The following FGF9 variants were observed in gnomAD, a reference collection of about 807,000 sequenced individuals.
FGF9 encodes the protein fibroblast growth factor 9 (glia-activating factor).
Under a neutral mutation model 19.9 loss-of-function variants are expected in FGF9, and 3 were observed. The observed-to-expected ratio is 0.15, with a 90% CI of 0.07 to 0.39. FGF9 has a LOEUF of 0.39. FGF9 is among the 10% of genes least tolerant of loss of function. FGF9 has a pLI of 1.00. For missense variants in FGF9, 175 were observed against 256.8 expected (o/e 0.68, Z 2.18); for synonymous variants, 107 against 106.9 (o/e 1.00, Z -0.01).
chr13:21,685,209 A>T (rs879789427), intron 2 of FGF9, among the ~76,000 whole-genome samples: 3 of 152,144 alleles, frequency 2.0e-5, no homozygotes, highest in Non-Finnish European at 2.9e-5. Flanking sequence ...TTTTTTTCTA[A>T]ACGGTTAGAA....
intron 2 of FGF9, among the ~76,000 whole-genome samples, chr13:21,688,894 A>T (rs1872221858): frequency 6.6e-6 from 1 of 152,258 alleles, no homozygotes; most frequent in East Asian, 1.9e-4. Flanking sequence ...AGTGTTGAGC[A>T]TGGTAGCTAC....
intron 2 of FGF9, among the ~76,000 whole-genome samples, chr13:21,695,554 T>G (rs1377813955): frequency 1.3e-5 from 2 of 152,186 alleles, no homozygotes; most frequent in African/African-American, 2.4e-5. Flanking sequence ...TTCTGTGTAG[T>G]TGGGGACTTC....
At position 21,672,068 on chromosome 13, in the gene FGF9, G is replaced by A. The variant is rs1004951478; in HGVS notation, c.156G>A (p.Thr52=). The A allele has an allele frequency of 1.2e-6, 2 of 1,614,236 alleles. No individual in the cohort carries two copies. Among genetic ancestry groups the A allele is most frequent in the Non-Finnish European group, 8.5e-7 (1 of 1,180,048 alleles). The part of the protein sequence containing the change: ...AGGLPRGPAV[T]DLDHLKGILR... ...GGCTCCCCAGGGGACCCGCAGTCAC[G>A]GACTTGGATCATTTAAAGGGGATTC... Residue 52 remains threonine, a synonymous_variant, in exon 1 of 3, where the codon ACG becomes ACA. Coordinates refer to ENST00000382353, the MANE Select transcript of FGF9 (RefSeq NM_002010.3). The surrounding 1 kb of genome is among the most constrained non-coding windows in gnomAD (Gnocchi z 4.2).
At chr13:21,689,321 C>A (rs1005505773) in intron 2 of FGF9, among the ~76,000 whole-genome samples, 1 of 152,156 alleles carries the variant, frequency 6.6e-6, no homozygotes, top group Non-Finnish European at 1.5e-5. Context: ...CAGAGCTCTG[C>A]GAAGGCAGGG....
Position 21,701,545 on chromosome 13 carries a change from A to C in FGF9, c.*110A>C. The C allele has an allele frequency of 6.8e-7, 1 of 1,469,200 alleles. No homozygotes were observed. The highest frequency in any genetic ancestry group is 9.5e-7 in the Non-Finnish European group (1 of 1,052,096). 91.0% of individuals were successfully genotyped at this position (1,469,200 alleles called of 1,614,324 possible). On this transcript the variant is annotated 3_prime_UTR_variant, in exon 3 of 3. Coordinates refer to ENST00000382353, the MANE Select transcript of FGF9 (RefSeq NM_002010.3). ...CATCACATCAGCTCCACTGTTGCCA[A>C]ACTTTGTCGCATGCATAATGTATGA...
chr13:21,699,119 G>A (rs1348033833), intron 2 of FGF9, among the ~76,000 whole-genome samples: 5 of 152,214 alleles, frequency 3.3e-5, no homozygotes, highest in African/African-American at 1.2e-4. Flanking sequence ...GAGGAGGTTG[G>A]GTTGCCCCAG....
At chr13:21,683,650 T>C (rs1427630989) in intron 2 of FGF9, among the ~76,000 whole-genome samples, 1 of 152,198 alleles carries the variant, frequency 6.6e-6, no homozygotes, top group African/African-American at 2.4e-5. Context: ...CGTGTGTGCT[T>C]GAGAAGCACA....
intron 2 of FGF9, among the ~76,000 whole-genome samples, chr13:21,693,399 A>G (rs1327111920): frequency 6.6e-6 from 1 of 152,034 alleles, no homozygotes; most frequent in Non-Finnish European, 1.5e-5. Context: ...CTGAGGGGAC[A>G]TGGGCATCCG....
At position 21,672,875 on chromosome 13, in the gene FGF9, A is replaced by G. The variant is rs17070033; in HGVS notation, c.277+686A>G. 6.6e-6 allele frequency among the ~76,000 whole-genome samples: 1 copy of G among 152,212 alleles called. No homozygotes were observed. Among genetic ancestry groups the G allele is most frequent in the Admixed American group, 6.5e-5 (1 of 15,288 alleles). On this transcript the variant is annotated intron_variant, in intron 1 of 2. Transcript: ENST00000382353. This position sits in a 1 kb window ranked among gnomAD's most constrained non-coding sequence, Gnocchi z 4.2. ...TGATAACCTCTGCTTTTAAATTTCCATAGTGTGCAGCCCTGTGTAGGTCTC... is the reference window on the plus strand; with the variant it reads ...TGATAACCTCTGCTTTTAAATTTCCGTAGTGTGCAGCCCTGTGTAGGTCTC...
chr13:21,677,433 C>T (rs1871943934), intron 1 of FGF9, among the ~76,000 whole-genome samples: 1 of 152,212 alleles, frequency 6.6e-6, no homozygotes, highest in South Asian at 2.1e-4. Context: ...CCAGCCCCCT[C>T]TGCTGCCCAG....
intron 2 of FGF9, among the ~76,000 whole-genome samples, chr13:21,687,918 G>A (rs1025983269): frequency 9.2e-5 from 14 of 152,188 alleles, no homozygotes; most frequent in Admixed American, 2.0e-4. Context: ...ACCTGGAAAG[G>A]CAAAGTAAAG....
In FGF9 at chr13:21,691,620, C is replaced by G. The variant is rs543692916; in HGVS notation, c.382-9570C>G. 6.6e-6 allele frequency among the ~76,000 whole-genome samples: 1 copy of G among 152,336 alleles called. No homozygotes were observed. Among genetic ancestry groups the G allele is most frequent in the East Asian group, 1.9e-4 (1 of 5,176 alleles). The stretch of plus-strand genomic sequence containing the variant: ...GCATCAGCAGCCCCTCCGGGGCTGT[C>G]GTTCAGCGTCCTGGCCCGAGAGATG... On this transcript the variant is annotated intron_variant, in intron 2 of 2. Coordinates refer to ENST00000382353, the MANE Select transcript of FGF9 (RefSeq NM_002010.3). The surrounding 1 kb of genome is among the most constrained non-coding windows in gnomAD (Gnocchi z 4.2).
At chr13:21,687,527 G>A (rs868631377) in intron 2 of FGF9, among the ~76,000 whole-genome samples, 4 of 152,182 alleles carry the variant, frequency 2.6e-5, no homozygotes, top group African/African-American at 7.2e-5. Context: ...TATGAAGGAA[G>A]ATGCTCCCTG....
At chr13:21,695,326 G>A (rs550337636) in intron 2 of FGF9, among the ~76,000 whole-genome samples, 10 of 152,234 alleles carry the variant, frequency 6.6e-5, no homozygotes, top group African/African-American at 2.2e-4. Flanking sequence ...TTTTGTTTAT[G>A]TGGACCAGAC....
intron 1 of FGF9, among the ~76,000 whole-genome samples, chr13:21,673,473 G>C (rs941642459): frequency 3.3e-5 from 5 of 152,100 alleles, no homozygotes; most frequent in African/African-American, 1.2e-4. Flanking sequence ...GTGTGAAATT[G>C]CTCCGGCCGT....
intron 1 of FGF9, among the ~76,000 whole-genome samples, chr13:21,675,361 G>C (rs944368394): frequency 2.0e-5 from 3 of 152,084 alleles, no homozygotes; most frequent in African/African-American, 7.2e-5. Flanking sequence ...CCCAATATTA[G>C]CAACCTCCGC....
chr13:21,691,590 T>G lies in FGF9; in HGVS notation c.382-9600T>G, dbSNP rs188366240. Among the ~76,000 whole-genome samples, 14 of 152,340 alleles carry G rather than the reference T, an allele frequency of 9.2e-5. No individual in the cohort carries two copies. Among genetic ancestry groups the G allele is most frequent in the Non-Finnish European group, 1.8e-4 (12 of 68,024 alleles). Reference sequence around the variant, plus strand: ...TGCTGACATGTGGAGAGTCCTCCCCTGTCAGCATCAGCAGCCCCTCCGGGG... The same window carrying G: ...TGCTGACATGTGGAGAGTCCTCCCCGGTCAGCATCAGCAGCCCCTCCGGGG... On this transcript the variant is annotated intron_variant, in intron 2 of 2. Transcript: ENST00000382353. The surrounding 1 kb of genome is among the most constrained non-coding windows in gnomAD (Gnocchi z 4.2).
chr13:21,695,230 A>G (rs887376181), intron 2 of FGF9, among the ~76,000 whole-genome samples: 1 of 152,052 alleles, frequency 6.6e-6, no homozygotes, highest in Non-Finnish European at 1.5e-5. Flanking sequence ...TTTTAGGTGG[A>G]GGAGGAGTGG....
Position 21,701,543 on chromosome 13 carries a change from C to T in FGF9, c.*108C>T. On this transcript the variant is annotated 3_prime_UTR_variant, in exon 3 of 3. Coordinates refer to ENST00000382353, the MANE Select transcript of FGF9 (RefSeq NM_002010.3). ...GTCATCACATCAGCTCCACTGTTGC[C>T]AAACTTTGTCGCATGCATAATGTAT... 1 of 1,479,480 alleles carries T rather than the reference C, an allele frequency of 6.8e-7. No individual in the cohort carries two copies. The highest frequency in any genetic ancestry group is 9.4e-7 in the Non-Finnish European group (1 of 1,061,518). 91.6% of individuals were successfully genotyped at this position (1,479,480 alleles called of 1,614,324 possible). A position where few individuals can be genotyped will look rare whatever the true frequency, so the allele number is the denominator to read the frequency against.
Sources: gnomAD v4.1 joint callset for allele counts (sites outside exome capture counted in the v4.1 genomes callset) on GRCh38, gnomAD v4.1.1 for gene constraint, Gnocchi (gnomAD v3.1) non-coding constraint, MANE v1.5 for transcripts, NCBI Gene and HGNC (gene_info 2026-07-23, HGNC 2026-07-21) for gene names.